GPR158: variants seen among roughly 807,000 people sequenced by gnomAD.
GPR158 encodes the protein G protein-coupled receptor 158, also known as metabotropic glycine receptor.
GPR158 carries 30 observed loss-of-function variants against 78.2 expected under a neutral mutation model. The ratio of observed to expected loss-of-function variants is 0.38; its 90% CI spans 0.29 to 0.52. The LOEUF (loss-of-function observed/expected upper bound fraction) is 0.52. Ranked by LOEUF, GPR158 falls within the 20% of genes least tolerant of loss-of-function variation. The probability of loss-of-function intolerance (pLI) is 0.83; values close to 1 mark genes in which losing one functional copy is unlikely to be tolerated. For missense variants in GPR158, 1,463 were observed against 1,523.5 expected, an observed-to-expected ratio of 0.96 and a Z score of 0.66; for synonymous variants, 581 against 591.1, an observed-to-expected ratio of 0.98 and a Z score of 0.25.
At chr10:25,480,653 C>T (rs940925901) in intron 5 of GPR158, among the ~76,000 whole-genome samples, 1 of 152,202 alleles carries the variant, frequency 6.6e-6, no homozygotes, top group African/African-American at 2.4e-5. Context: ...TATCTTGTAG[C>T]ATGTATCTGA....
chr10:25,346,843 C>G (rs1317308772), intron 2 of GPR158, among the ~76,000 whole-genome samples: 1 of 151,914 alleles, frequency 6.6e-6, no homozygotes, highest in Non-Finnish European at 1.5e-5. Context: ...ATACCTGACA[C>G]AGACATGAAA....
At chr10:25,322,550 A>C (rs371320165) in intron 2 of GPR158, among the ~76,000 whole-genome samples, 84 of 152,356 alleles carry the variant, frequency 5.5e-4, no homozygotes, top group East Asian at 1.9e-3. Flanking sequence ...AGCATGAATC[A>C]TGAATGTTTG....
At chr10:25,264,854 G>A (rs1212012119) in intron 2 of GPR158, among the ~76,000 whole-genome samples, 1 of 152,140 alleles carries the variant, frequency 6.6e-6, no homozygotes, top group African/African-American at 2.4e-5. Flanking sequence ...TGGGGTTCAT[G>A]CTTTCTTGAA....
intron 1 of GPR158, among the ~76,000 whole-genome samples, chr10:25,202,524 G>C (rs1366326735): frequency 6.6e-6 from 1 of 152,106 alleles, no homozygotes; most frequent in African/African-American, 2.4e-5. Flanking sequence ...CTGTCCTTGT[G>C]ACAGTTTGCT....
intron 8 of GPR158, among the ~76,000 whole-genome samples, chr10:25,590,389 A>G (rs910461994): frequency 1.3e-5 from 2 of 152,114 alleles, no homozygotes; most frequent in South Asian, 2.1e-4. Context: ...GAATGGAAAT[A>G]TAAGATTATA....
At chr10:25,268,427 G>A (rs1588767141) in intron 2 of GPR158, among the ~76,000 whole-genome samples, 1 of 152,078 alleles carries the variant, frequency 6.6e-6, no homozygotes, top group African/African-American at 2.4e-5. Flanking sequence ...TCCTGGATTC[G>A]ATCAAATTCA....
intron 1 of GPR158, among the ~76,000 whole-genome samples, chr10:25,199,755 T>C (rs1033478000): frequency 2.6e-4 from 39 of 152,286 alleles, no homozygotes; most frequent in African/African-American, 7.9e-4. Flanking sequence ...GATTGTAAGT[T>C]TCCTGAGGCC....
rs1837464800 is a variant in GPR158, at chr10:25,599,574, G to A, written c.*300G>A. The A allele has an allele frequency of 3.7e-6, 1 of 272,986 alleles. No individual in the cohort carries two copies. Among genetic ancestry groups the A allele is most frequent in the Admixed American group, 4.8e-5 (1 of 20,846 alleles). 16.9% of individuals were successfully genotyped at this position (272,986 alleles called of 1,614,324 possible). A position where few individuals can be genotyped will look rare whatever the true frequency, so the allele number is the denominator to read the frequency against. On this transcript the variant is annotated 3_prime_UTR_variant, in exon 11 of 11. Transcript: ENST00000376351. ...TGCCCTGATCAATATGTATCCATGG[G>A]ACTTTGAAGATCCTAAGCCAGGTAA... is the stretch of plus-strand genomic sequence containing the variant.
At chr10:25,360,591 T>C (rs940489551) in intron 2 of GPR158, among the ~76,000 whole-genome samples, 18 of 152,212 alleles carry the variant, frequency 1.2e-4, no homozygotes, top group Non-Finnish European at 8.8e-5. Flanking sequence ...GAAGCCTCTG[T>C]TCTGTTCCAT....
intron 5 of GPR158, among the ~76,000 whole-genome samples, chr10:25,489,786 C>T (rs923953927): frequency 6.6e-6 from 1 of 152,050 alleles, no homozygotes; most frequent in African/African-American, 2.4e-5. Context: ...ATGAGTGCTA[C>T]TGAGACAAGG....
intron 5 of GPR158, among the ~76,000 whole-genome samples, chr10:25,511,939 T>TA (rs1480131348): frequency 6.6e-6 from 1 of 152,184 alleles, no homozygotes; most frequent in Non-Finnish European, 1.5e-5. Flanking sequence ...ATTATGGCCT[T>TA]ACAGTATAGG....
At chr10:25,241,379 CTCT>C (rs1316603528) in intron 2 of GPR158, among the ~76,000 whole-genome samples, 1 of 123,208 alleles carries the variant, frequency 8.1e-6, no homozygotes, top group East Asian at 2.2e-4. Context: ...TTTCTCTCTT[CTCT>C]TCTCTTCTCT....
At chr10:25,403,670 T>C (rs1171136078) in intron 3 of GPR158, among the ~76,000 whole-genome samples, 1 of 152,024 alleles carries the variant, frequency 6.6e-6, no homozygotes, top group Non-Finnish European at 1.5e-5. Flanking sequence ...GATTTGCCCA[T>C]AGGTGCCAAA....
chr10:25,338,462 A>G (rs942518070), intron 2 of GPR158, among the ~76,000 whole-genome samples: 57 of 125,576 alleles, frequency 4.5e-4, no homozygotes, highest in African/African-American at 1.9e-3. Flanking sequence ...TATATATATT[A>G]CGTATATTAT....
chr10:25,557,504 G>A (rs1239760291), intron 6 of GPR158, among the ~76,000 whole-genome samples: 1 of 152,178 alleles, frequency 6.6e-6, no homozygotes, highest in Non-Finnish European at 1.5e-5. Flanking sequence ...TAGAAGATGA[G>A]ATAGTTCCCT....
At chr10:25,427,843 TTA>T (rs765926242) in intron 4 of GPR158, among the ~76,000 whole-genome samples, 3 of 152,124 alleles carry the variant, frequency 2.0e-5, no homozygotes, top group Non-Finnish European at 4.4e-5. Flanking sequence ...ACATTTACTT[TTA>T]TATATGTGTT....
intron 5 of GPR158, among the ~76,000 whole-genome samples, chr10:25,523,451 T>A (rs1836304965): frequency 6.6e-6 from 1 of 152,214 alleles, no homozygotes; most frequent in African/African-American, 2.4e-5. Context: ...ACATCAAGAC[T>A]GTGCACCAGG....
intron 6 of GPR158, among the ~76,000 whole-genome samples, chr10:25,555,202 T>C (rs7901206): frequency 0.57 from 86,736 of 151,954 alleles, 26,827 homozygotes; most frequent in African/African-American, 0.82. Context: ...CTTGGCGATG[T>C]GGGCTCTTTT....
chr10:25,266,394 G>A lies in GPR158; in HGVS notation c.1008+45237G>A, dbSNP rs150778680. Among the ~76,000 whole-genome samples, 368 of 152,258 alleles carry A rather than the reference G, an allele frequency of 2.4e-3. 2 individuals carry two copies. The highest frequency in any genetic ancestry group is 3.0e-3 in the Non-Finnish European group (205 of 67,996). ...CCTTTGTGGGCCCTTTACTGTCAAA[G>A]ATCAGAGAAGTCCAGATGGACCTGA... On this transcript the variant is annotated intron_variant, in intron 2 of 10. Transcript: ENST00000376351.
Sources: allele counts gnomAD v4.1 joint callset (sites outside exome capture counted in the v4.1 genomes callset), GRCh38; gene constraint gnomAD v4.1.1; transcripts MANE v1.5; gene names NCBI Gene and HGNC (gene_info 2026-07-23, HGNC 2026-07-21).